MYO5A: variants seen among roughly 807,000 people sequenced by gnomAD.
The protein encoded by MYO5A is myosin VA, also known as unconventional myosin-Va.
A neutral mutation model predicts 249.7 loss-of-function variants in MYO5A; 98 were observed. The observed-to-expected ratio is 0.39, with a 90% CI of 0.33 to 0.46. The LOEUF (loss-of-function observed/expected upper bound fraction) is 0.46. MYO5A is among the 20% of genes least tolerant of loss of function. MYO5A has a pLI of 0.98. For synonymous variants in MYO5A, 778 were observed against 810.6 expected (o/e 0.96, Z 0.68); for missense variants, 1,696 against 2,308.8 (o/e 0.73, Z 5.44).
chr15:52,317,240 T>C lies in MYO5A; in HGVS notation c.5235-18A>G, dbSNP rs375291932. On this transcript the variant is annotated intron_variant, in intron 39 of 41. Coordinates refer to ENST00000399233, the MANE Select transcript of MYO5A (RefSeq NM_001382347.1). ...CATTGTACCTATGAAAAAAAAGAGATACAGAGAATGCAAATTTGCTGAATT... is the reference window on the plus strand; with the variant it reads ...CATTGTACCTATGAAAAAAAAGAGACACAGAGAATGCAAATTTGCTGAATT... The C allele has an allele frequency of 2.5e-5, 40 of 1,612,390 alleles. No homozygotes were observed. The highest frequency in any genetic ancestry group is 3.4e-5 in the Non-Finnish European group (40 of 1,179,650).
intron 21 of MYO5A, among the ~76,000 whole-genome samples, chr15:52,371,253 T>A (rs1406063072): frequency 6.6e-6 from 1 of 152,232 alleles, no homozygotes; most frequent in East Asian, 1.9e-4. Context: ...TGTTTTGCTT[T>A]GCTCTCCTTA....
intron 27 of MYO5A, 79 bp from the exon 28 acceptor site, chr15:52,351,560 T>G (rs1596328984): frequency 2.9e-6 from 4 of 1,369,044 alleles, no homozygotes; most frequent in Non-Finnish European, 4.2e-6. Context: ...CCCAAGCTGG[T>G]AGAAGAATTC....
At position 52,309,846 on chromosome 15, in the gene MYO5A, G is replaced by C. The variant is rs2037723850; in HGVS notation, c.*3850C>G. On this transcript the variant is annotated 3_prime_UTR_variant, in exon 42 of 42. Transcript: ENST00000399233. ...CTATGAATTAGTGACGGGGGTGTGT[G>C]TGTGTGTATGTGTGTGTGTGTGTGT... 1.4e-5 allele frequency: 2 copies of C among 143,030 alleles called. No homozygotes were observed. Among genetic ancestry groups the C allele is most frequent in the African/African-American group, 5.3e-5 (2 of 37,710 alleles). The allele number at this position is 143,030 out of a possible 1,614,324, so 8.9% of individuals were successfully genotyped here. A position where few individuals can be genotyped will look rare whatever the true frequency, so the allele number is the denominator to read the frequency against.
At position 52,407,929 on chromosome 15, in the gene MYO5A, G is replaced by A; in HGVS notation, c.838+130C>T. On this transcript the variant is annotated intron_variant, in intron 7 of 41. Coordinates refer to ENST00000399233, the MANE Select transcript of MYO5A (RefSeq NM_001382347.1). ...CCTATGGGTTATTTTGAAGCCAAGG[G>A]CTGACTTTTTATCATATTATCCATA... 1.2e-5 allele frequency: 8 copies of A among 683,324 alleles called. No homozygotes were observed. The South Asian group carries it at 1.4e-4, about 12-fold the overall frequency. The allele number at this position is 683,324 out of a possible 1,614,324, so 42.3% of individuals were successfully genotyped here. A position where few individuals can be genotyped will look rare whatever the true frequency, so the allele number is the denominator to read the frequency against.
chr15:52,318,233 A>G (rs112482222), intron 39 of MYO5A, among the ~76,000 whole-genome samples: 1 of 150,966 alleles, frequency 6.6e-6, no homozygotes, highest in Non-Finnish European at 1.5e-5. Flanking sequence ...AGACAGGTGG[A>G]TCACCTGAGG....
chr15:52,336,311 C>A, intron 34 of MYO5A, 152 bp downstream of exon 34: 1 of 605,286 alleles, frequency 1.7e-6, no homozygotes, highest in South Asian at 1.9e-5. Context: ...TAAATTTCTA[C>A]TCAAAAGAGG....
intron 1 of MYO5A, chr15:52,505,910 A>T (rs2077259238): frequency 6.6e-7 from 1 of 1,525,212 alleles, no homozygotes; most frequent in East Asian, 2.3e-5. Context: ...GAAAGATTAA[A>T]AAAAAAATTT....
chr15:52,338,000 A>G lies in MYO5A; in HGVS notation c.4240-116T>C. ...AAATACAAATAGTGAAACTATATAT[A>G]CTTGAAAGGCTCTGATTTGTCACCT... On this transcript the variant is annotated intron_variant, in intron 32 of 41. Transcript: ENST00000399233. 7.4e-6 allele frequency: 5 copies of G among 674,058 alleles called. No homozygotes were observed. In the South Asian group the frequency reaches 1.1e-4, roughly 14 times the overall value. 41.8% of individuals were successfully genotyped at this position (674,058 alleles called of 1,614,324 possible).
At chr15:52,461,649 T>C (rs1446260297) in intron 1 of MYO5A, among the ~76,000 whole-genome samples, 1 of 152,180 alleles carries the variant, frequency 6.6e-6, no homozygotes, top group Non-Finnish European at 1.5e-5. Flanking sequence ...GGTAGACTTG[T>C]TCAGCAGAAA....
At chr15:52,324,151 G>T (rs904057520) in intron 36 of MYO5A, among the ~76,000 whole-genome samples, 4 of 150,040 alleles carry the variant, frequency 2.7e-5, no homozygotes, top group African/African-American at 7.3e-5. Context: ...ATATGAAAAA[G>T]AATTTGAAGC....
chr15:52,501,034 A>G (rs2141581688), intron 1 of MYO5A, among the ~76,000 whole-genome samples: 1 of 151,886 alleles, frequency 6.6e-6, no homozygotes, highest in East Asian at 1.9e-4. Flanking sequence ...CAGTGGCAAG[A>G]TCTTGGCTCG....
intron 2 of MYO5A, among the ~76,000 whole-genome samples, chr15:52,431,312 G>A (rs1334672440): frequency 6.8e-6 from 1 of 146,698 alleles, no homozygotes; most frequent in Non-Finnish European, 1.5e-5. Context: ...ACGACTTCTT[G>A]AGCCCAGCAG....
At position 52,418,862 on chromosome 15, in the gene MYO5A, T is replaced by G. The variant is rs180870679; in HGVS notation, c.456-2561A>C. ...ATTTGGTCTGTCGGGTCTTTCCTTA[T>G]AGTTTTCATTTTGTATGAAATGTAT... On this transcript the variant is annotated intron_variant, in intron 4 of 41. Coordinates refer to ENST00000399233, the MANE Select transcript of MYO5A (RefSeq NM_001382347.1). Among the ~76,000 whole-genome samples the G allele has an allele frequency of 3.9e-5, 6 of 152,176 alleles. No individual in the cohort carries two copies. In the East Asian group the frequency reaches 1.2e-3, roughly 29 times the overall value.
intron 12 of MYO5A, among the ~76,000 whole-genome samples, chr15:52,389,937 A>G (rs1237225061): frequency 1.3e-5 from 2 of 152,158 alleles, no homozygotes; most frequent in Admixed American, 6.5e-5. Context: ...CTGGGTGACA[A>G]AAGTGAAATT....
At chr15:52,500,388 C>T (rs2077129838) in intron 1 of MYO5A, among the ~76,000 whole-genome samples, 1 of 146,958 alleles carries the variant, frequency 6.8e-6, no homozygotes, top group Admixed American at 6.9e-5. Flanking sequence ...CTCTTTTTAC[C>T]CGAGCTGGAG....
intron 30 of MYO5A, 33 bp from the exon 31 acceptor site, chr15:52,343,230 C>T: frequency 6.5e-7 from 1 of 1,546,638 alleles, no homozygotes; most frequent in Admixed American, 1.7e-5. Context: ...ATGCAAAACA[C>T]AAAAGGATAC....
intron 11 of MYO5A, 135 bp downstream of exon 11, chr15:52,396,181 A>G (rs2042476752): frequency 1.5e-6 from 1 of 651,106 alleles, no homozygotes; most frequent in Admixed American, 2.8e-5. Flanking sequence ...TGTACCATTC[A>G]TTAATCGTCA....
At chr15:52,495,210 C>G (rs1595790031) in intron 1 of MYO5A, among the ~76,000 whole-genome samples, 1 of 152,040 alleles carries the variant, frequency 6.6e-6, no homozygotes, top group East Asian at 1.9e-4. Context: ...CAATAGAATA[C>G]TACTAATCAG....
chr15:52,408,232 C>G (rs2043093678), intron 6 of MYO5A, 92 bp from the exon 7 acceptor site: 4 of 735,294 alleles, frequency 5.4e-6, no homozygotes, highest in African/African-American at 5.3e-5. Flanking sequence ...TTAATTATCT[C>G]AGTTGGTTAA....
Sources: gnomAD v4.1 joint callset for allele counts (sites outside exome capture counted in the v4.1 genomes callset) on GRCh38, gnomAD v4.1.1 for gene constraint, MANE v1.5 for transcripts, NCBI Gene and HGNC (gene_info 2026-07-23, HGNC 2026-07-21) for gene names.